The following FBXO25 variants were observed in gnomAD, a reference collection of about 807,000 sequenced individuals.
FBXO25 encodes F-box protein 25.
FBXO25 carries 45 observed loss-of-function variants against 51.9 expected under a neutral mutation model. The observed-to-expected ratio is 0.87, with a 90% CI of 0.68 to 1.11. The LOEUF (loss-of-function observed/expected upper bound fraction) is 1.11. FBXO25 is among the 50% of genes most tolerant of loss of function. The pLI, the probability that FBXO25 is intolerant of heterozygous loss-of-function variation, is 0.00. For missense variants in FBXO25, 507 were observed against 428.5 expected (o/e 1.18, Z -1.62); for synonymous variants, 199 against 151.0 (o/e 1.32, Z -2.33).
At chr8:432,681 G>C (rs2117625983) in intron 3 of FBXO25, among the ~76,000 whole-genome samples, 1 of 152,182 alleles carries the variant, frequency 6.6e-6, no homozygotes, top group African/African-American at 2.4e-5. Context: ...ACTAGGACTT[G>C]GTACTGTCTG....
chr8:468,762 G>C lies in FBXO25; in HGVS notation c.1035G>C (p.Thr345=), dbSNP rs200080166. 1 of 1,613,944 alleles carries C rather than the reference G, an allele frequency of 6.2e-7. No homozygotes were observed. Among genetic ancestry groups the C allele is most frequent in the Admixed American group, 1.7e-5 (1 of 60,000 alleles). The change falls in exon 10 of 10, where the codon ACG becomes ACC. Residue 345 remains threonine, a synonymous_variant. Transcript: ENST00000350302. ...CTAADPDSCF[T]PVSPQHFIDL... is the part of the protein sequence containing the mutation. ...CGGCCGACCCTGACAGCTGCTTCAC[G>C]CCTGTGTCTCCGCAGCACTTCATCG...
At chr8:431,686 C>T (rs2117616361) in intron 3 of FBXO25, among the ~76,000 whole-genome samples, 1 of 152,274 alleles carries the variant, frequency 6.6e-6, no homozygotes, top group East Asian at 1.9e-4. Context: ...AATCTGAATG[C>T]TTGAATTATG....
At chr8:459,152 G>A (rs148770433) in intron 8 of FBXO25, among the ~76,000 whole-genome samples, 32 of 152,294 alleles carry the variant, frequency 2.1e-4, no homozygotes, top group Middle Eastern at 3.4e-3. Context: ...GGTTCCCCTC[G>A]TCACCCCACA....
rs1225956555 is a variant in FBXO25 at position 469,297 on chromosome 8, CTT to C, written c.*495_*496del. 1 of 152,756 alleles carries C rather than the reference CTT, an allele frequency of 6.5e-6. No individual in the cohort carries two copies. The highest frequency in any genetic ancestry group is 2.4e-5 in the African/African-American group (1 of 41,454). The allele number at this position is 152,756 out of a possible 1,614,324, so 9.5% of individuals were successfully genotyped here. A position where few individuals can be genotyped will look rare whatever the true frequency, so the allele number is the denominator to read the frequency against. On this transcript the variant is annotated 3_prime_UTR_variant, in exon 10 of 10. Transcript: ENST00000350302. ...CATTGGCTGTGCCCAAATGAGTCCT[CTT>C]TGAATAGAAAGTGAACCCAGGGCAA...
chr8:467,894 G>A, intron 9 of FBXO25: 1 of 1,514,398 alleles, frequency 6.6e-7, no homozygotes, highest in South Asian at 1.3e-5. Flanking sequence ...AGGGCTGAGT[G>A]GCCACTTTGA....
rs187430362 is a variant in FBXO25, at chr8:460,881, T to C, written c.844-2126T>C. On this transcript the variant is annotated intron_variant, in intron 8 of 9. Coordinates refer to ENST00000350302, the MANE Select transcript of FBXO25 (RefSeq NM_183420.2). ...TTTATTAGAAACAAGATTTCCTCATTGACTCCACGATAATTTCCAGAGTCC... is the reference window on the plus strand; with the variant it reads ...TTTATTAGAAACAAGATTTCCTCATCGACTCCACGATAATTTCCAGAGTCC... Among the ~76,000 whole-genome samples, 98 of 152,364 alleles carry C rather than the reference T, an allele frequency of 6.4e-4. 1 individual carries two copies. The highest frequency in any genetic ancestry group is 5.2e-3 in the South Asian group (25 of 4,832).
intron 7 of FBXO25, among the ~76,000 whole-genome samples, chr8:457,713 G>C (rs995626259): frequency 3.9e-5 from 6 of 152,214 alleles, no homozygotes; most frequent in African/African-American, 1.2e-4. Flanking sequence ...ATTATGACTT[G>C]AGGTGATGGA....
intron 2 of FBXO25, among the ~76,000 whole-genome samples, chr8:418,605 G>A (rs1288538949): frequency 6.6e-6 from 1 of 152,094 alleles, no homozygotes; most frequent in African/African-American, 2.4e-5. Flanking sequence ...CTCCCAAAGT[G>A]CTGGGATTAC....
At chr8:445,850 GA>G (rs1302301934) in intron 5 of FBXO25, among the ~76,000 whole-genome samples, 1 of 152,184 alleles carries the variant, frequency 6.6e-6, no homozygotes, top group Non-Finnish European at 1.5e-5. Flanking sequence ...CAGCCTGGGG[GA>G]CAAGAGTGAA....
intron 5 of FBXO25, 94 bp from the exon 6 acceptor site, chr8:449,896 T>G: frequency 1.2e-6 from 1 of 843,632 alleles, no homozygotes; most frequent in Non-Finnish European, 1.9e-6. Flanking sequence ...GATGGCATGT[T>G]AGAAATCTTC....
chr8:444,682 G>A (rs1005581641), intron 5 of FBXO25, among the ~76,000 whole-genome samples: 2 of 152,138 alleles, frequency 1.3e-5, no homozygotes, highest in Non-Finnish European at 2.9e-5. Context: ...ACTACATAAC[G>A]ATGTTTTGGT....
chr8:432,563 G>T (rs569873615), intron 3 of FBXO25, among the ~76,000 whole-genome samples: 1 of 152,274 alleles, frequency 6.6e-6, no homozygotes, highest in East Asian at 1.9e-4. Flanking sequence ...CAGAAGAATA[G>T]AACTTTTTAT....
chr8:422,448 C>T (rs1419066925), intron 2 of FBXO25, among the ~76,000 whole-genome samples: 1 of 152,214 alleles, frequency 6.6e-6, no homozygotes, highest in African/African-American at 2.4e-5. Flanking sequence ...AGTGTGTCAG[C>T]TAAGTACAGT....
chr8:468,701 C>T lies in FBXO25; in HGVS notation c.988-14C>T, dbSNP rs1386242333. The stretch of plus-strand genomic sequence containing the variant: ...GGTGGGGCCCCCTCCTAACCATCTC[C>T]CACCTCCCCACAGGACTCAGGACAC... On this transcript the variant is annotated splice_polypyrimidine_tract_variant and intron_variant, in intron 9 of 9. Transcript: ENST00000350302. The T allele has an allele frequency of 2.5e-6, 4 of 1,612,026 alleles. No homozygotes were observed. Among genetic ancestry groups the T allele is most frequent in the Admixed American group, 3.3e-5 (2 of 59,878 alleles).
chr8:426,808 C>CACCTGGCCTTGGTGCTCTTGCCGCCCT (rs1563070756), intron 2 of FBXO25, among the ~76,000 whole-genome samples: 10 of 151,878 alleles, frequency 6.6e-5, no homozygotes, highest in East Asian at 1.9e-4. Flanking sequence ...GCTGTGGCTC[C>CACCTGGCCTTGGTGCTCTTGCCGCCCT]ACCTGGCCTT....
intron 2 of FBXO25, among the ~76,000 whole-genome samples, chr8:414,700 A>T (rs1563060994): frequency 6.6e-6 from 1 of 152,240 alleles, no homozygotes; most frequent in East Asian, 1.9e-4. Flanking sequence ...CCTTCGCCCA[A>T]ACTTACCTAC....
At chr8:419,050 A>G (rs549606314) in intron 2 of FBXO25, among the ~76,000 whole-genome samples, 72 of 152,332 alleles carry the variant, frequency 4.7e-4, no homozygotes, top group African/African-American at 1.7e-3. Context: ...ACTTATACCT[A>G]AAGTCATCAT....
Position 470,487 on chromosome 8 carries a change from C to G in FBXO25, c.*1683C>G, listed in dbSNP as rs1185582518. 3 of 141,898 alleles carry G rather than the reference C, an allele frequency of 2.1e-5. No individual in the cohort carries two copies. Among genetic ancestry groups the G allele is most frequent in the Non-Finnish European group, 4.7e-5 (3 of 63,492 alleles). The allele number at this position is 141,898 out of a possible 1,614,324, so 8.8% of individuals were successfully genotyped here. Reference sequence around the variant, plus strand: ...CCTCCCACCTCACCCTCCAGTGATCCTCCCACCTCAGCCTCCCAAGCAGTC... The same window carrying G: ...CCTCCCACCTCACCCTCCAGTGATCGTCCCACCTCAGCCTCCCAAGCAGTC... On this transcript the variant is annotated 3_prime_UTR_variant, in exon 10 of 10. Coordinates refer to ENST00000350302, the MANE Select transcript of FBXO25 (RefSeq NM_183420.2).
chr8:409,004 C>T (rs937591975), intron 1 of FBXO25, among the ~76,000 whole-genome samples: 9 of 152,136 alleles, frequency 5.9e-5, no homozygotes, highest in Admixed American at 1.3e-4. Context: ...TCTAGCAATT[C>T]ACATTTTTTA....
Sources: gnomAD v4.1 joint callset for allele counts (sites outside exome capture counted in the v4.1 genomes callset) on GRCh38, gnomAD v4.1.1 for gene constraint, MANE v1.5 for transcripts, NCBI Gene and HGNC (gene_info 2026-07-23, HGNC 2026-07-21) for gene names.